Variants in ARHGAP11A observed in about 807,000 individuals in gnomAD.
ARHGAP11A encodes Rho GTPase activating protein 11A.
A neutral mutation model predicts 60.5 loss-of-function variants in ARHGAP11A; 36 were observed. The observed-to-expected ratio is 0.59, with a 90% CI of 0.46 to 0.79. The LOEUF is 0.79. ARHGAP11A is among the 30% of genes least tolerant of loss of function. The pLI is 0.00. For synonymous variants in ARHGAP11A, 362 were observed against 415.5 expected, an observed-to-expected ratio of 0.87 and a Z score of 1.57; for missense variants, 1,071 against 1,199.2, an observed-to-expected ratio of 0.89 and a Z score of 1.58.
intron 2 of ARHGAP11A, among the ~76,000 whole-genome samples, chr15:32,622,087 T>C (rs2053341104): frequency 6.6e-6 from 1 of 152,312 alleles, no homozygotes; most frequent in African/African-American, 2.4e-5. Flanking sequence ...TTAAATGACC[T>C]ATGAAAGGCT....
chr15:32,637,902 G>A lies in ARHGAP11A; in HGVS notation c.*57G>A. 1 of 1,375,700 alleles carries A rather than the reference G, an allele frequency of 7.3e-7. No individual in the cohort carries two copies. The highest frequency in any genetic ancestry group is 1.5e-5 in the South Asian group (1 of 68,790). The allele number at this position is 1,375,700 out of a possible 1,614,324, so 85.2% of individuals were successfully genotyped here. On this transcript the variant is annotated 3_prime_UTR_variant, in exon 12 of 12. Transcript: ENST00000361627. ...ATAAAGTGAGTAATTGGTATGACTT[G>A]CAGGATGATGTACATGTTAGTTTGT...
At position 32,636,492 on chromosome 15, in the gene ARHGAP11A, T is replaced by C. The variant is rs755085144; in HGVS notation, c.1719T>C (p.Asn573=). 6.2e-7 allele frequency: 1 copy of C among 1,613,886 alleles called. No individual in the cohort carries two copies. Among genetic ancestry groups the C allele is most frequent in the South Asian group, 1.1e-5 (1 of 91,054 alleles). Residue 573 remains asparagine, a synonymous_variant, in exon 12 of 12, where the codon AAT becomes AAC. Coordinates refer to ENST00000361627, the MANE Select transcript of ARHGAP11A (RefSeq NM_014783.6). The part of the protein sequence containing the change: ...SCELTPSNLN[N]KHNSNITSSP... The stretch of plus-strand genomic sequence containing the variant: ...AACTCACCCCTTCCAATTTAAACAA[T>C]AAGCATAATAGCAACATAACAAGTA...
chr15:32,634,073 A>G (rs527645538), intron 10 of ARHGAP11A, 32 bp downstream of exon 10: 4 of 1,449,368 alleles, frequency 2.8e-6, no homozygotes, highest in South Asian at 1.2e-5. Context: ...TGATCTTTAT[A>G]TTAGCATAAC....
At chr15:32,621,163 T>C (rs1202202648) in intron 2 of ARHGAP11A, among the ~76,000 whole-genome samples, 1 of 135,450 alleles carries the variant, frequency 7.4e-6, no homozygotes, top group Non-Finnish European at 1.6e-5. Context: ...CCACTTACTA[T>C]TTATAAATAA....
In ARHGAP11A at chr15:32,637,429, A is replaced by T; in HGVS notation, c.2656A>T (p.Ser886Cys). 1 of 1,614,172 alleles carries T rather than the reference A, an allele frequency of 6.2e-7. No individual in the cohort carries two copies. Among genetic ancestry groups the T allele is most frequent in the African/African-American group, 1.3e-5 (1 of 75,050 alleles). The change falls in exon 12 of 12, where the codon AGT becomes TGT. Residue 886 changes from serine to cysteine, a missense_variant. This residue lies in a region of ARHGAP11A where 776 missense variants were observed against 760.2 expected (regional missense o/e 1.02). Transcript: ENST00000361627. ...CDGALSSCIE[S>C]ASKDSSVSCI... ...CGGTGCTCTTTCCTCTTGTATAGAA[A>T]GTGCATCAAAAGATTCCTCTGTTTC... is the stretch of plus-strand genomic sequence containing the variant.
In ARHGAP11A at chr15:32,636,238, C is replaced by T; in HGVS notation, c.1484-19C>T. ...AAGGTTAAATACAAAGGATTAAGCA[C>T]TGAACTGCTTTATTTTAGGTTCAGA... On this transcript the variant is annotated intron_variant, in intron 11 of 11. Coordinates refer to ENST00000361627, the MANE Select transcript of ARHGAP11A (RefSeq NM_014783.6). The T allele has an allele frequency of 6.4e-7, 1 of 1,562,808 alleles. No individual in the cohort carries two copies. The highest frequency in any genetic ancestry group is 1.2e-5 in the South Asian group (1 of 80,926).
rs539506252 is a variant in ARHGAP11A at position 32,629,429 on chromosome 15, C to T, written c.938-166C>T. Among the ~76,000 whole-genome samples the T allele has an allele frequency of 1.8e-4, 26 of 148,468 alleles. No homozygotes were observed. The South Asian group carries it at 5.6e-3, about 32-fold the overall frequency. ...TTCCTTATTTTCATTTAAGTAATTG[C>T]AGAGTGTTTTAGTTAAACAACATCT... On this transcript the variant is annotated intron_variant, in intron 7 of 11. Transcript: ENST00000361627.
chr15:32,631,827 C>T (rs991343014), intron 8 of ARHGAP11A, among the ~76,000 whole-genome samples: 3 of 151,692 alleles, frequency 2.0e-5, no homozygotes, highest in Non-Finnish European at 4.4e-5. Context: ...AGGCATGCAC[C>T]ACCACACCCA....
At chr15:32,634,100 T>TA in intron 10 of ARHGAP11A, 59 bp downstream of exon 10, 2 of 1,142,352 alleles carry the variant, frequency 1.8e-6, no homozygotes, top group Non-Finnish European at 2.5e-6. Context: ...AACTTGATAC[T>TA]AAAAAACACT....
intron 7 of ARHGAP11A, 95 bp downstream of exon 7, chr15:32,628,897 A>G (rs1025364440): frequency 4.3e-6 from 4 of 927,210 alleles, no homozygotes; most frequent in Middle Eastern, 6.7e-4. Context: ...TAGTAATCAA[A>G]TTTAGTTTAA....
rs1459800020 is a variant in ARHGAP11A at position 32,636,355 on chromosome 15, A to C, written c.1582A>C (p.Ser528Arg). The change falls in exon 12 of 12, where the codon AGT becomes CGT. Residue 528 changes from serine to arginine, a missense_variant. Ser to Arg is a moderately radical substitution (Grantham distance 110). Transcript: ENST00000361627. The stretch of plus-strand genomic sequence containing the variant: ...GTCTTGGACAGGACCTAATAATTCA[A>C]GTTTTCAAGAAGTAGATGCAAATGA... ...RMSWTGPNNS[S>R]FQEVDANEAS... is the part of the protein sequence containing the mutation. 38 of 1,614,002 alleles carry C rather than the reference A, an allele frequency of 2.4e-5. No homozygotes were observed. The highest frequency in any genetic ancestry group is 2.9e-5 in the Non-Finnish European group (34 of 1,179,998).
rs1432686700 is a variant in ARHGAP11A at position 32,618,760 on chromosome 15, C to T, written c.130-1348C>T. On this transcript the variant is annotated intron_variant, in intron 1 of 11. Coordinates refer to ENST00000361627, the MANE Select transcript of ARHGAP11A (RefSeq NM_014783.6). ...ACCATCCTAGCTAACACGGTGAAAC[C>T]CCCCCCCCCCCGCCCCACGTCTCTA... Among the ~76,000 whole-genome samples, 5 of 11,522 alleles carry T rather than the reference C, an allele frequency of 4.3e-4. No homozygotes were observed. The East Asian group carries it at 6.9e-3, about 16-fold the overall frequency. 7.6% of individuals were successfully genotyped at this position (11,522 alleles called of 152,430 possible).
At chr15:32,619,157 T>C (rs1401846869) in intron 1 of ARHGAP11A, among the ~76,000 whole-genome samples, 1 of 151,844 alleles carries the variant, frequency 6.6e-6, no homozygotes, top group Non-Finnish European at 1.5e-5. Flanking sequence ...ATAATGCTCA[T>C]AAAACATAAA....
Position 32,636,919 on chromosome 15 carries a change from G to A in ARHGAP11A, c.2146G>A (p.Glu716Lys), listed in dbSNP as rs961733199. 6.2e-6 allele frequency: 10 copies of A among 1,612,730 alleles called. No individual in the cohort carries two copies. Among genetic ancestry groups the A allele is most frequent in the African/African-American group, 1.3e-5 (1 of 74,856 alleles). ...GCCAAAAGATTATTTAAGCAAGCAA[G>A]AATTCTCCAGTGATGAAGAAATAAA... The part of the protein sequence containing the change: ...NMPKDYLSKQ[E>K]FSSDEEIKKQ... The change falls in exon 12 of 12, where the codon GAA becomes AAA. Residue 716 changes from glutamate (E) to lysine (K), a missense_variant. Glu to Lys is a moderately conservative substitution (Grantham distance 56, BLOSUM62 1). This residue lies in a region of ARHGAP11A where 776 missense variants were observed against 760.2 expected (regional missense o/e 1.02). Transcript: ENST00000361627.
In ARHGAP11A at chr15:32,636,399, A is replaced by C. The variant is rs1333948271; in HGVS notation, c.1626A>C (p.Glu542Asp). 3 of 1,613,968 alleles carry C rather than the reference A, an allele frequency of 1.9e-6. No individual in the cohort carries two copies. The highest frequency in any genetic ancestry group is 2.5e-6 in the Non-Finnish European group (3 of 1,179,974). Reference sequence around the variant, plus strand: ...CAAATGAAGCTTCTTCAATGGTGGAAAATCTTGAGGTAGAAAACTCTTTGG... The same window carrying C: ...CAAATGAAGCTTCTTCAATGGTGGACAATCTTGAGGTAGAAAACTCTTTGG... ...VDANEASSMV[E>D]NLEVENSLEP... Residue 542 changes from glutamate (E) to aspartate (D), a missense_variant, in exon 12 of 12, where the codon GAA (glutamate) becomes GAC (aspartate). Physicochemically the swap from Glu to Asp is conservative, Grantham distance 45. Around this residue, in one of 4 missense-constraint regions of ARHGAP11A, gnomAD observed 776 missense variants for 760.2 expected, o/e 1.02. Coordinates refer to ENST00000361627, the MANE Select transcript of ARHGAP11A (RefSeq NM_014783.6).
intron 10 of ARHGAP11A, among the ~76,000 whole-genome samples, chr15:32,635,111 C>T (rs1248604558): frequency 6.6e-6 from 1 of 152,202 alleles, no homozygotes; most frequent in Non-Finnish European, 1.5e-5. Context: ...AAAGGCCTCA[C>T]GTGATCTGTT....
At chr15:32,624,121 G>C (rs2140452807) in intron 3 of ARHGAP11A, 52 bp from the exon 4 acceptor site, 1 of 1,607,516 alleles carries the variant, frequency 6.2e-7, no homozygotes, top group South Asian at 1.1e-5. Context: ...TACTTTATTT[G>C]CAATAAACTC....
At position 32,636,497 on chromosome 15, in the gene ARHGAP11A, A is replaced by G. The variant is rs573976518; in HGVS notation, c.1724A>G (p.His575Arg). ...ACCCCTTCCAATTTAAACAATAAGC[A>G]TAATAGCAACATAACAAGTAGCCCT... ...ELTPSNLNNKHNSNITSSPLS... is the reference protein window; with the variant it reads ...ELTPSNLNNKRNSNITSSPLS... Residue 575 changes from histidine (H) to arginine (R), a missense_variant, in exon 12 of 12, where the codon CAT becomes CGT. His to Arg is a conservative substitution (Grantham distance 29). Coordinates refer to ENST00000361627, the MANE Select transcript of ARHGAP11A (RefSeq NM_014783.6). The G allele has an allele frequency of 8.7e-6, 14 of 1,613,954 alleles. No homozygotes were observed. In the African/African-American group the frequency reaches 1.1e-4, roughly 12 times the overall value.
At chr15:32,616,416 T>TA in intron 1 of ARHGAP11A, 76 bp downstream of exon 1, 1 of 1,596,468 alleles carries the variant, frequency 6.3e-7, no homozygotes, top group Non-Finnish European at 8.5e-7. Flanking sequence ...CAGATCGTGC[T>TA]AAAATGTTCA....
Sources: gnomAD v4.1 joint callset for allele counts (sites outside exome capture counted in the v4.1 genomes callset) on GRCh38, gnomAD v4.1.1 for gene constraint, gnomAD v4.1.1 regional missense constraint, MANE v1.5 for transcripts, NCBI Gene and HGNC (gene_info 2026-07-23, HGNC 2026-07-21) for gene names.